CAMTA1: variants seen among roughly 807,000 people sequenced by gnomAD.
CAMTA1 encodes the protein calmodulin binding transcription activator 1, also known as calmodulin-binding transcription activator 1.
Under a neutral mutation model 170.9 loss-of-function variants are expected in CAMTA1, and 27 were observed. The ratio of observed to expected loss-of-function variants is 0.16; its 90% CI spans 0.12 to 0.22. The LOEUF is 0.22. Ranked by LOEUF, CAMTA1 falls within the 10% of genes least tolerant of loss-of-function variation. The probability of loss-of-function intolerance (pLI) is 1.00; values close to 1 mark genes in which losing one functional copy is unlikely to be tolerated. For missense variants in CAMTA1, 1,619 were observed against 2,217.2 expected, an observed-to-expected ratio of 0.73 and a Z score of 5.42; for synonymous variants, 833 against 891.5, an observed-to-expected ratio of 0.93 and a Z score of 1.17.
intron 3 of CAMTA1, among the ~76,000 whole-genome samples, chr1:6,966,937 C>A (rs150413494): frequency 1.8e-4 from 26 of 148,120 alleles, no homozygotes; most frequent in African/African-American, 5.9e-4. Context: ...GTAAAAGATA[C>A]TCATGAAAAA....
At chr1:7,577,073 G>A (rs1322874171) in intron 6 of CAMTA1, among the ~76,000 whole-genome samples, 1 of 152,228 alleles carries the variant, frequency 6.6e-6, no homozygotes, top group Non-Finnish European at 1.5e-5. Context: ...GGACTCAGTA[G>A]CCTGGGCTGT....
chr1:7,222,867 C>T (rs1661043829), intron 4 of CAMTA1, among the ~76,000 whole-genome samples: 1 of 152,244 alleles, frequency 6.6e-6, no homozygotes, highest in Non-Finnish European at 1.5e-5. Context: ...GCCTAGCTTC[C>T]TCTTCTACGT....
chr1:7,025,427 A>G (rs975750748), intron 3 of CAMTA1, among the ~76,000 whole-genome samples: 3 of 152,200 alleles, frequency 2.0e-5, no homozygotes, highest in Non-Finnish European at 4.4e-5. Context: ...GGAAGGAACC[A>G]TAGGATATAT....
chr1:7,339,546 G>C (rs2083640559), intron 5 of CAMTA1, among the ~76,000 whole-genome samples: 1 of 152,062 alleles, frequency 6.6e-6, no homozygotes, highest in Non-Finnish European at 1.5e-5. Flanking sequence ...TCTTCTCAAA[G>C]CACGTTCATG....
In CAMTA1 at chr1:7,251,842, C is replaced by T. The variant is rs10157735; in HGVS notation, c.438+2216C>T. ...GGGATACAAGCTGAGCCCTTAAAGT[C>T]GGGTGGGACTCTGTGTGTGTGTATA... On this transcript the variant is annotated intron_variant, in intron 5 of 22. Coordinates refer to ENST00000303635, the MANE Select transcript of CAMTA1 (RefSeq NM_015215.4). The surrounding 1 kb of genome is among the most constrained non-coding windows in gnomAD (Gnocchi z 5.1). Among the ~76,000 whole-genome samples the T allele has an allele frequency of 0.067, 10,246 of 152,004 alleles. 1,109 individuals carry two copies. Among genetic ancestry groups the T allele is most frequent in the African/African-American group, 0.23 (9,427 of 41,402 alleles).
At chr1:7,733,128 G>A (rs1460375474) in intron 12 of CAMTA1, among the ~76,000 whole-genome samples, 1 of 152,088 alleles carries the variant, frequency 6.6e-6, no homozygotes, top group Non-Finnish European at 1.5e-5. Context: ...CTTGAGCCCG[G>A]GAGGTTGAGG....
intron 1 of CAMTA1, among the ~76,000 whole-genome samples, chr1:6,799,679 TTAA>T (rs1052381101): frequency 6.8e-4 from 103 of 152,258 alleles, no homozygotes; most frequent in African/African-American, 2.2e-3. Flanking sequence ...TTCCTTCCCA[TTAA>T]TAATAATTAC....
At chr1:7,336,071 A>C (rs1574762807) in intron 5 of CAMTA1, among the ~76,000 whole-genome samples, 1 of 152,152 alleles carries the variant, frequency 6.6e-6, no homozygotes, top group Non-Finnish European at 1.5e-5. Flanking sequence ...CAAAACAAAG[A>C]CCCAAATTGG....
intron 5 of CAMTA1, among the ~76,000 whole-genome samples, chr1:7,448,759 C>T (rs557499687): frequency 2.7e-4 from 41 of 152,314 alleles, no homozygotes; most frequent in Admixed American, 2.5e-3. Context: ...ATCCCATGCA[C>T]AAGGGCTCTG....
At chr1:6,810,608 C>CATCT (rs1645048150) in intron 1 of CAMTA1, among the ~76,000 whole-genome samples, 1 of 152,082 alleles carries the variant, frequency 6.6e-6, no homozygotes, top group Non-Finnish European at 1.5e-5. Context: ...AGATCGAGAC[C>CATCT]ATCTGGCTAA....
intron 11 of CAMTA1, among the ~76,000 whole-genome samples, chr1:7,730,928 CTA>C (rs148508017): frequency 1.1e-3 from 129 of 114,142 alleles, no homozygotes; most frequent in Admixed American, 2.2e-3. Context: ...CTCTCTCTCT[CTA>C]TATATATATA....
chr1:6,957,026 A>G (rs1689576734), intron 3 of CAMTA1, among the ~76,000 whole-genome samples: 1 of 152,206 alleles, frequency 6.6e-6, no homozygotes, highest in East Asian at 1.9e-4. Flanking sequence ...ATGCTAAATG[A>G]CAAACTTCAA....
intron 11 of CAMTA1, among the ~76,000 whole-genome samples, chr1:7,711,999 G>GCA (rs151196148): frequency 0.024 from 3,687 of 152,176 alleles, 132 homozygotes; most frequent in African/African-American, 0.083. Flanking sequence ...TAATGTGTGT[G>GCA]CACATATATA....
At chr1:7,197,217 C>T (rs1655683757) in intron 4 of CAMTA1, among the ~76,000 whole-genome samples, 1 of 152,142 alleles carries the variant, frequency 6.6e-6, no homozygotes, top group African/African-American at 2.4e-5. Context: ...TGAAGCCACA[C>T]GTGTGTGTCA....
chr1:7,134,617 T>G (rs1645444204), intron 4 of CAMTA1, among the ~76,000 whole-genome samples: 1 of 152,210 alleles, frequency 6.6e-6, no homozygotes, highest in Non-Finnish European at 1.5e-5. Flanking sequence ...CCACATTTTC[T>G]TTATCTAATC....
At chr1:7,661,187 G>A (rs1012679606) in intron 7 of CAMTA1, among the ~76,000 whole-genome samples, 1 of 152,262 alleles carries the variant, frequency 6.6e-6, no homozygotes, top group Admixed American at 6.5e-5. Flanking sequence ...CACTCCCTTT[G>A]GGGCAAAGAA....
rs188045724 is a variant in CAMTA1 at position 7,748,299 on chromosome 1, G to A, written c.4689+518G>A. Among the ~76,000 whole-genome samples the A allele has an allele frequency of 2.0e-5, 3 of 152,198 alleles. No homozygotes were observed. Among genetic ancestry groups the A allele is most frequent in the Non-Finnish European group, 2.9e-5 (2 of 68,018 alleles). On this transcript the variant is annotated intron_variant, in intron 19 of 22. Coordinates refer to ENST00000303635, the MANE Select transcript of CAMTA1 (RefSeq NM_015215.4). The surrounding 1 kb of genome is among the most constrained non-coding windows in gnomAD (Gnocchi z 4.7). ...AACAGGGGAAGCCACACATGATGGCGTGTGCCTGTAATCCCAGCTCCTCAA... is the reference window on the plus strand; with the variant it reads ...AACAGGGGAAGCCACACATGATGGCATGTGCCTGTAATCCCAGCTCCTCAA...
intron 4 of CAMTA1, among the ~76,000 whole-genome samples, chr1:7,159,894 C>G (rs1171021665): frequency 6.6e-6 from 1 of 152,178 alleles, no homozygotes; most frequent in Non-Finnish European, 1.5e-5. Context: ...GTGCCTACTT[C>G]ATAGTATTGT....
At chr1:7,004,164 C>G (rs1698640787) in intron 3 of CAMTA1, among the ~76,000 whole-genome samples, 2 of 152,186 alleles carry the variant, frequency 1.3e-5, no homozygotes, top group South Asian at 4.1e-4. Context: ...GTTCCGTCAT[C>G]CAGTTAATGG....
Sources: gnomAD v4.1 joint callset for allele counts (sites outside exome capture counted in the v4.1 genomes callset) on GRCh38, gnomAD v4.1.1 for gene constraint, Gnocchi (gnomAD v3.1) non-coding constraint, MANE v1.5 for transcripts, NCBI Gene and HGNC (gene_info 2026-07-23, HGNC 2026-07-21) for gene names.